The following TBC1D4 variants were observed in gnomAD, a reference collection of about 807,000 sequenced individuals.
TBC1D4 encodes TBC1 domain family member 4, also known as TBC (Tre-2, BUB2, CDC16) domain-containing protein.
A neutral mutation model predicts 142.5 loss-of-function variants in TBC1D4; 121 were observed. The ratio of observed to expected loss-of-function variants is 0.85; its 90% CI spans 0.73 to 0.99. The LOEUF is 0.99. Among genes scored for constraint, TBC1D4 ranks in the 50% least tolerant of loss-of-function variants. TBC1D4 has a pLI of 0.00. For missense variants in TBC1D4, 1,475 were observed against 1,606.6 expected (o/e 0.92, Z 1.40); for synonymous variants, 630 against 628.2 (o/e 1.00, Z -0.04).
intron 8 of TBC1D4, among the ~76,000 whole-genome samples, chr13:75,333,999 C>T (rs1040313739): frequency 1.3e-5 from 2 of 152,142 alleles, no homozygotes; most frequent in African/African-American, 4.8e-5. Context: ...TGCAATTTGT[C>T]CCACTGCTGA....
intron 1 of TBC1D4, among the ~76,000 whole-genome samples, chr13:75,386,576 G>A (rs1420309540): frequency 2.6e-5 from 4 of 151,792 alleles, no homozygotes; most frequent in Non-Finnish European, 5.9e-5. Flanking sequence ...TTTTAATAGA[G>A]ACAGGGTTTC....
chr13:75,385,495 C>CT (rs1178765724), intron 1 of TBC1D4, among the ~76,000 whole-genome samples: 1 of 152,164 alleles, frequency 6.6e-6, no homozygotes, highest in African/African-American at 2.4e-5. Flanking sequence ...AGAGTGTCAC[C>CT]TGAAAAGCAG....
At chr13:75,335,865 G>T (rs1880152546) in intron 8 of TBC1D4, among the ~76,000 whole-genome samples, 2 of 152,070 alleles carry the variant, frequency 1.3e-5, no homozygotes, top group Admixed American at 1.3e-4. Context: ...TTCTTTACAA[G>T]TTACCCAGTT....
Position 75,481,455 on chromosome 13 carries a change from T to G in TBC1D4, c.313A>C (p.Thr105Pro). ...PAPGAGASGG[T>P]SPSATQPNPA... ...TTGGGCTGCGTGGCCGACGGACTAGTGCCCCCCGAGGCCCCAGCGCCCGGC... is the reference window on the plus strand; with the variant it reads ...TTGGGCTGCGTGGCCGACGGACTAGGGCCCCCCGAGGCCCCAGCGCCCGGC... The change falls in exon 1 of 21, where the codon ACT becomes CCT. Residue 105 changes from threonine (T) to proline (P), a missense_variant. Transcript: ENST00000377636. The G allele has an allele frequency of 1.2e-6, 2 of 1,613,654 alleles. No individual in the cohort carries two copies. The highest frequency in any genetic ancestry group is 2.2e-5 in the South Asian group (2 of 91,082).
intron 1 of TBC1D4, among the ~76,000 whole-genome samples, chr13:75,419,951 C>T (rs933853755): frequency 2.6e-5 from 4 of 152,140 alleles, no homozygotes; most frequent in African/African-American, 4.8e-5. Context: ...GAAGTCCTCG[C>T]GCAGGAAGCG....
At chr13:75,400,816 G>A (rs1360292697) in intron 1 of TBC1D4, among the ~76,000 whole-genome samples, 1 of 151,996 alleles carries the variant, frequency 6.6e-6, no homozygotes, top group Non-Finnish European at 1.5e-5. Context: ...CACATAGAGT[G>A]AAATTCCTCA....
rs565619256 is a variant in TBC1D4, at chr13:75,357,295, G to C, written c.1171-1044C>G. On this transcript the variant is annotated intron_variant, in intron 3 of 20. Coordinates refer to ENST00000377636, the MANE Select transcript of TBC1D4 (RefSeq NM_014832.5). ...CCTGTAAAAAGAAAAAGTCAGTACA[G>C]AGGAGAGAGGCTGCAATTCTTGAGG... Among the ~76,000 whole-genome samples, 12 of 152,332 alleles carry C rather than the reference G, an allele frequency of 7.9e-5. No individual in the cohort carries two copies. The East Asian group carries it at 2.3e-3, about 29-fold the overall frequency.
Position 75,413,188 on chromosome 13 carries a change from G to A in TBC1D4, c.499-50581C>T, listed in dbSNP as rs1217677112. Among the ~76,000 whole-genome samples, 8 of 151,474 alleles carry A rather than the reference G, an allele frequency of 5.3e-5. No individual in the cohort carries two copies. The East Asian group carries it at 7.8e-4, about 15-fold the overall frequency. On this transcript the variant is annotated intron_variant, in intron 1 of 20. Transcript: ENST00000377636. ...AAAACTAATTTTTTTTTTTTGAGAC[G>A]GAGTCTCCCTCTGTTGCCCAGGCTG...
At chr13:75,434,399 A>C (rs1254074702) in intron 1 of TBC1D4, among the ~76,000 whole-genome samples, 1 of 152,222 alleles carries the variant, frequency 6.6e-6, no homozygotes, top group Non-Finnish European at 1.5e-5. Flanking sequence ...TAGCAAACTA[A>C]CACAGGAACA....
chr13:75,415,138 A>T (rs1593861795), intron 1 of TBC1D4, among the ~76,000 whole-genome samples: 1 of 151,860 alleles, frequency 6.6e-6, no homozygotes, highest in African/African-American at 2.4e-5. Flanking sequence ...AAAAAAAAAA[A>T]AAAGTAAAGT....
rs1027857482 is a variant in TBC1D4, at chr13:75,286,225, G to A, written c.*567C>T. 2.0e-5 allele frequency: 3 copies of A among 153,642 alleles called. No homozygotes were observed. The highest frequency in any genetic ancestry group is 7.2e-5 in the African/African-American group (3 of 41,444). 9.5% of individuals were successfully genotyped at this position (153,642 alleles called of 1,614,324 possible). A position where few individuals can be genotyped will look rare whatever the true frequency, so the allele number is the denominator to read the frequency against. On this transcript the variant is annotated 3_prime_UTR_variant, in exon 21 of 21. Coordinates refer to ENST00000377636, the MANE Select transcript of TBC1D4 (RefSeq NM_014832.5). ...CTACCTTCCCAAAAAACTCACAGGAGCATGACCAGTAATCATTTTCCTCAT... is the reference window on the plus strand; with the variant it reads ...CTACCTTCCCAAAAAACTCACAGGAACATGACCAGTAATCATTTTCCTCAT...
chr13:75,368,488 A>G (rs558085382), intron 1 of TBC1D4, among the ~76,000 whole-genome samples: 34 of 152,244 alleles, frequency 2.2e-4, no homozygotes, highest in African/African-American at 7.7e-4. Flanking sequence ...AAACCCATTT[A>G]TGGTTCAGCT....
chr13:75,411,557 G>A (rs1178877077), intron 1 of TBC1D4, among the ~76,000 whole-genome samples: 2 of 152,052 alleles, frequency 1.3e-5, no homozygotes, highest in Non-Finnish European at 2.9e-5. Context: ...ACAGAGTCTC[G>A]CTCGGTCATC....
intron 1 of TBC1D4, among the ~76,000 whole-genome samples, chr13:75,442,779 GAAAA>G (rs545872938): frequency 1.5e-5 from 2 of 133,530 alleles, no homozygotes; most frequent in East Asian, 2.1e-4. Flanking sequence ...CTCGGTTTCG[GAAAA>G]AAAAAAAAAG....
At chr13:75,458,924 G>C (rs1887851376) in intron 1 of TBC1D4, among the ~76,000 whole-genome samples, 1 of 151,942 alleles carries the variant, frequency 6.6e-6, no homozygotes, top group Non-Finnish European at 1.5e-5. Flanking sequence ...GAAAGCACTA[G>C]GTAAATGTAA....
At position 75,482,135 on chromosome 13, in the gene TBC1D4, C is replaced by G. The variant is rs1464119909; in HGVS notation, c.-368G>C. The G allele has an allele frequency of 5.2e-6, 1 of 193,262 alleles. No homozygotes were observed. The highest frequency in any genetic ancestry group is 2.3e-5 in the African/African-American group (1 of 42,908). The allele number at this position is 193,262 out of a possible 1,614,324, so 12.0% of individuals were successfully genotyped here. On this transcript the variant is annotated 5_prime_UTR_variant, in exon 1 of 21. Transcript: ENST00000377636. ...GCCGCCGGCTCCAGCGCTGCAGCCC[C>G]GCTGCGGCCGCCGCGCTCGCCTGGG...
At chr13:75,307,949 T>C (rs1312376221) in intron 14 of TBC1D4, among the ~76,000 whole-genome samples, 1 of 152,222 alleles carries the variant, frequency 6.6e-6, no homozygotes, top group Non-Finnish European at 1.5e-5. Flanking sequence ...ATTTTCTTCA[T>C]GATGGACAAA....
chr13:75,287,130 T>A, intron 20 of TBC1D4, 105 bp from the exon 21 acceptor site: 2 of 969,068 alleles, frequency 2.1e-6, no homozygotes, highest in Non-Finnish European at 3.2e-6. Context: ...TAAAATATTA[T>A]GTGAAGCAAA....
At chr13:75,477,482 T>A (rs1196026759) in intron 1 of TBC1D4, among the ~76,000 whole-genome samples, 1 of 152,188 alleles carries the variant, frequency 6.6e-6, no homozygotes, top group African/African-American at 2.4e-5. Flanking sequence ...ATAACAATCA[T>A]GTTTTTACCT....
Sources: allele counts gnomAD v4.1 joint callset (sites outside exome capture counted in the v4.1 genomes callset), GRCh38; gene constraint gnomAD v4.1.1; transcripts MANE v1.5; gene names NCBI Gene and HGNC (gene_info 2026-07-23, HGNC 2026-07-21).